RAB5B: variants seen among roughly 807,000 people sequenced by gnomAD.
The protein encoded by RAB5B is RAB5B, member RAS oncogene family, also known as ras-related protein Rab-5B.
RAB5B carries 11 observed loss-of-function variants against 28.6 expected under a neutral mutation model. The ratio of observed to expected loss-of-function variants is 0.38; its 90% CI spans 0.24 to 0.64. The LOEUF is 0.64. RAB5B is among the 30% of genes least tolerant of loss of function. RAB5B has a pLI of 0.53. For missense variants in RAB5B, 169 were observed against 265.6 expected, an observed-to-expected ratio of 0.64 and a Z score of 2.53; for synonymous variants, 93 against 97.9, an observed-to-expected ratio of 0.95 and a Z score of 0.29.
intron 1 of RAB5B, among the ~76,000 whole-genome samples, chr12:55,984,558 C>G (rs138876516): frequency 1.1e-3 from 162 of 152,176 alleles, no homozygotes; most frequent in South Asian, 8.3e-3. Context: ...CTCAGTGCAC[C>G]CTCTACCTTC....
rs568013023 is a variant in RAB5B at position 55,978,410 on chromosome 12, A to T, written c.-93+4271A>T. 2.0e-3 allele frequency among the ~76,000 whole-genome samples: 305 copies of T among 152,144 alleles called. 2 individuals carry two copies. The highest frequency in any genetic ancestry group is 7.0e-3 in the African/African-American group (290 of 41,512). ...CCCCAGCTTCTCGGGAGGCTGAAGC[A>T]GGAGAATGGCGTGAACCTGGGAGGC... On this transcript the variant is annotated intron_variant, in intron 1 of 5. Transcript: ENST00000360299.
At chr12:55,981,689 C>G (rs1416491556) in intron 1 of RAB5B, among the ~76,000 whole-genome samples, 6 of 151,954 alleles carry the variant, frequency 3.9e-5, no homozygotes, top group Non-Finnish European at 7.4e-5. Context: ...GAGAGTTGCC[C>G]ACATTAAAGA....
At chr12:55,983,902 C>T (rs892652774) in intron 1 of RAB5B, among the ~76,000 whole-genome samples, 3 of 152,090 alleles carry the variant, frequency 2.0e-5, no homozygotes, top group Non-Finnish European at 4.4e-5. Flanking sequence ...TCAAGCAAGG[C>T]TTCCCCTTTT....
chr12:55,985,643 G>C (rs1873914), intron 1 of RAB5B: 152,622 of 453,960 alleles, frequency 0.34, 27,519 homozygotes, highest in Non-Finnish European at 0.4. Flanking sequence ...CTGATTCAGT[G>C]TATTCTTTCA....
At chr12:55,989,300 G>GTTCC (rs1890042300) in intron 2 of RAB5B, among the ~76,000 whole-genome samples, 1 of 150,912 alleles carries the variant, frequency 6.6e-6, no homozygotes, top group African/African-American at 2.4e-5. Flanking sequence ...TTGAGACGGA[G>GTTCC]TTCCGCTCTT....
At chr12:55,990,399 C>T (rs946418540) in intron 3 of RAB5B, among the ~76,000 whole-genome samples, 1 of 151,566 alleles carries the variant, frequency 6.6e-6, no homozygotes, top group Non-Finnish European at 1.5e-5. Flanking sequence ...CAGAGCAAAA[C>T]TCCGCCTCAA....
intron 2 of RAB5B, among the ~76,000 whole-genome samples, chr12:55,988,214 C>G (rs897111884): frequency 6.6e-6 from 1 of 152,082 alleles, no homozygotes; most frequent in Non-Finnish European, 1.5e-5. Context: ...TGCCTGTAAT[C>G]CCAGCTACTT....
At chr12:55,988,144 C>T (rs370179020) in intron 2 of RAB5B, among the ~76,000 whole-genome samples, 14 of 150,816 alleles carry the variant, frequency 9.3e-5, no homozygotes, top group East Asian at 1.9e-4. Context: ...AGTGAAAATC[C>T]GTCTCAAAAA....
At chr12:55,982,804 C>A (rs952418841) in intron 1 of RAB5B, among the ~76,000 whole-genome samples, 1 of 152,158 alleles carries the variant, frequency 6.6e-6, no homozygotes, top group Admixed American at 6.6e-5. Context: ...TACACTCCCC[C>A]AGAGCTCAAG....
chr12:55,988,927 A>C (rs938487617), intron 2 of RAB5B, among the ~76,000 whole-genome samples: 3 of 145,930 alleles, frequency 2.1e-5, no homozygotes, highest in Non-Finnish European at 4.5e-5. Context: ...AAAATCTTCT[A>C]ATTAATTCTT....
chr12:55,990,323 G>A (rs980503645), intron 3 of RAB5B: 97 of 489,642 alleles, frequency 2.0e-4, no homozygotes, highest in African/African-American at 1.6e-3. Context: ...CAGGAGAATC[G>A]CTTGAACCCA....
At chr12:55,986,044 C>T (rs796232891) in intron 1 of RAB5B, among the ~76,000 whole-genome samples, 13 of 152,090 alleles carry the variant, frequency 8.5e-5, no homozygotes, top group African/African-American at 2.2e-4. Context: ...TCAGGGAGAC[C>T]GGTCATATAT....
At chr12:55,975,671 C>A (rs12817765) in intron 1 of RAB5B, among the ~76,000 whole-genome samples, 11,284 of 151,852 alleles carry the variant, frequency 0.074, 469 homozygotes, top group Non-Finnish European at 0.081. Flanking sequence ...CTCCTCCCCA[C>A]ATATTTTTAA....
rs375736303 is a variant in RAB5B at position 55,989,432 on chromosome 12, G to A, written c.164-515G>A. Among the ~76,000 whole-genome samples the A allele has an allele frequency of 9.9e-5, 15 of 151,960 alleles. No individual in the cohort carries two copies. In the East Asian group the frequency reaches 2.9e-3, roughly 30 times the overall value. On this transcript the variant is annotated intron_variant, in intron 2 of 5. Coordinates refer to ENST00000360299, the MANE Select transcript of RAB5B (RefSeq NM_002868.4). ...TGTGATTACAGGTGTCCACCACCAC[G>A]CCTGGCTAATTTTTGTATTTTTAGT...
chr12:55,975,933 G>A (rs1204281281), intron 1 of RAB5B, among the ~76,000 whole-genome samples: 40 of 150,896 alleles, frequency 2.7e-4, no homozygotes, highest in Admixed American at 2.6e-3. Flanking sequence ...TGTATTTTTA[G>A]TAGAGACAGG....
At chr12:55,977,489 T>C (rs1275686734) in intron 1 of RAB5B, among the ~76,000 whole-genome samples, 1 of 152,174 alleles carries the variant, frequency 6.6e-6, no homozygotes, top group African/African-American at 2.4e-5. Flanking sequence ...CCCTACTGCA[T>C]AACATACCTC....
intron 1 of RAB5B, among the ~76,000 whole-genome samples, chr12:55,984,943 T>G (rs1187171639): frequency 6.6e-6 from 1 of 152,320 alleles, no homozygotes; most frequent in South Asian, 2.1e-4. Flanking sequence ...GTAGAGAAAT[T>G]CTCTTTATAT....
Position 55,993,166 on chromosome 12 carries a change from C to G in RAB5B, c.*954C>G, listed in dbSNP as rs1312924535. ...GCCTCAGCCCCAGCCACCATATACC[C>G]CTGCAGTTTGCACTTTAATTGATGG... is the stretch of plus-strand genomic sequence containing the variant. On this transcript the variant is annotated 3_prime_UTR_variant, in exon 6 of 6. Transcript: ENST00000360299. The G allele has an allele frequency of 6.5e-6, 1 of 152,684 alleles. No homozygotes were observed. The highest frequency in any genetic ancestry group is 2.4e-5 in the African/African-American group (1 of 41,436). The allele number at this position is 152,684 out of a possible 1,614,324, so 9.5% of individuals were successfully genotyped here.
intron 1 of RAB5B, among the ~76,000 whole-genome samples, chr12:55,984,210 A>T (rs1351495946): frequency 6.9e-6 from 1 of 144,260 alleles, no homozygotes; most frequent in African/African-American, 2.6e-5. Context: ...TTTTAGACTG[A>T]GTCTCGCTGT....
Sources: allele counts gnomAD v4.1 joint callset (sites outside exome capture counted in the v4.1 genomes callset), GRCh38; gene constraint gnomAD v4.1.1; transcripts MANE v1.5; gene names NCBI Gene and HGNC (gene_info 2026-07-23, HGNC 2026-07-21).